Variants in E2F7 observed in about 807,000 individuals in gnomAD.
E2F7 encodes transcription factor E2F7.
A neutral mutation model predicts 81.1 loss-of-function variants in E2F7; 35 were observed. The observed-to-expected ratio is 0.43, with a 90% CI of 0.33 to 0.57. The LOEUF is 0.57. Ranked by LOEUF, E2F7 falls within the 20% of genes least tolerant of loss-of-function variation. The probability of loss-of-function intolerance (pLI) is 0.04; values close to 1 mark genes in which losing one functional copy is unlikely to be tolerated. For missense variants in E2F7, 961 were observed against 1,093.7 expected (o/e 0.88, Z 1.71); for synonymous variants, 416 against 416.2 (o/e 1.00, Z 0.01).
intron 11 of E2F7, 120 bp from the exon 12 acceptor site, chr12:77,026,102 C>T: frequency 8.2e-7 from 1 of 1,226,476 alleles, no homozygotes; most frequent in South Asian, 1.6e-5. Flanking sequence ...AATGATGAGA[C>T]CTTCCCCCAG....
chr12:77,028,059 A>G lies in E2F7; in HGVS notation c.1964T>C (p.Val655Ala). The G allele has an allele frequency of 6.2e-7, 1 of 1,614,230 alleles. No individual in the cohort carries two copies. The highest frequency in any genetic ancestry group is 8.5e-7 in the Non-Finnish European group (1 of 1,180,040). ...TTCTGCAGCAGGGAGTTGGCCATTC[A>G]CATGAATGTCTTTGAGGGGTATAGA... ...RASIPLKDIHVNGQLPAAEEI... is the reference protein window; with the variant it reads ...RASIPLKDIHANGQLPAAEEI... Residue 655 changes from valine to alanine, a missense_variant, in exon 11 of 13, where the codon GTG (valine) becomes GCG (alanine). By Grantham distance (64) the Val-to-Ala change is moderately conservative. Around this residue, in one of 3 missense-constraint regions of E2F7, gnomAD observed 587 missense variants for 620.3 expected, o/e 0.95. Transcript: ENST00000322886.
intron 7 of E2F7, among the ~76,000 whole-genome samples, chr12:77,036,524 C>A (rs1298376220): frequency 7.4e-6 from 1 of 134,544 alleles, no homozygotes. Context: ...CAGAGTAAGA[C>A]CTTTGTCTCC....
chr12:77,040,806 G>C (rs1013651224), intron 7 of E2F7, among the ~76,000 whole-genome samples: 2 of 152,140 alleles, frequency 1.3e-5, no homozygotes, highest in Non-Finnish European at 2.9e-5. Context: ...TTATCGAATT[G>C]TAACTTTAAC....
intron 5 of E2F7, among the ~76,000 whole-genome samples, chr12:77,045,340 G>A (rs1393648855): frequency 6.6e-6 from 1 of 152,136 alleles, no homozygotes; most frequent in African/African-American, 2.4e-5. Context: ...GTGGATGGCA[G>A]GCAAACCATC....
In E2F7 at chr12:77,030,323, G is replaced by A; in HGVS notation, c.1392C>T (p.Ala464=). Residue 464 remains alanine, a synonymous_variant, in exon 10 of 13, where the codon GCC becomes GCT. Transcript: ENST00000322886. ...QKIEDNSQGK[A]FASKRVVPPS... ...GAGGCACCACTCTCTTACTGGCAAA[G>A]GCTTTTCCCCTATAATAAAAAAGAA... 1 of 1,536,374 alleles carries A rather than the reference G, an allele frequency of 6.5e-7. No homozygotes were observed. Among genetic ancestry groups the A allele is most frequent in the Middle Eastern group, 1.8e-4 (1 of 5,688 alleles).
At chr12:77,065,264 TG>T (rs1381425531) in intron 1 of E2F7, 80 bp downstream of exon 1, 2 of 152,098 alleles carry the variant, frequency 1.3e-5, no homozygotes, top group African/African-American at 4.8e-5. Context: ...ACGTGAGGAG[TG>T]GCAGGCTGGC....
chr12:77,064,838 T>C (rs1010135318), intron 1 of E2F7, among the ~76,000 whole-genome samples: 2 of 152,108 alleles, frequency 1.3e-5, no homozygotes, highest in African/African-American at 2.4e-5. Context: ...GTGTGCTTAG[T>C]AATACTGAAA....
At position 77,057,899 on chromosome 12, in the gene E2F7, G is replaced by A. The variant is rs923031713; in HGVS notation, c.94-1769C>T. 3.3e-5 allele frequency among the ~76,000 whole-genome samples: 5 copies of A among 152,196 alleles called. No homozygotes were observed. In the South Asian group the frequency reaches 1.0e-3, roughly 32 times the overall value. On this transcript the variant is annotated intron_variant, in intron 2 of 12. Coordinates refer to ENST00000322886, the MANE Select transcript of E2F7 (RefSeq NM_203394.3). Reference sequence around the variant, plus strand: ...TGTACATTCTGTATAGCTACTGAATGCTTGGGTTTTGGTTGAGCAGGGGGT... The same window carrying A: ...TGTACATTCTGTATAGCTACTGAATACTTGGGTTTTGGTTGAGCAGGGGGT...
intron 7 of E2F7, among the ~76,000 whole-genome samples, chr12:77,036,446 G>A (rs957513459): frequency 2.0e-5 from 3 of 151,986 alleles, no homozygotes; most frequent in Admixed American, 1.3e-4. Context: ...GATTGCCTGA[G>A]CCCAGGAGTT....
At chr12:77,049,627 T>A (rs1954970336) in intron 4 of E2F7, among the ~76,000 whole-genome samples, 2 of 152,208 alleles carry the variant, frequency 1.3e-5, no homozygotes, top group Admixed American at 1.3e-4. Flanking sequence ...GCCCAGCCCA[T>A]GGTCTTCTTA....
intron 2 of E2F7, among the ~76,000 whole-genome samples, chr12:77,061,927 C>T (rs1262570611): frequency 6.6e-6 from 1 of 152,230 alleles, no homozygotes; most frequent in East Asian, 1.9e-4. Context: ...AGGCTTAGCC[C>T]AAATGTTCCT....
In E2F7 at chr12:77,021,898, A is replaced by T. The variant is rs557345040; in HGVS notation, c.*2117T>A. The stretch of plus-strand genomic sequence containing the variant: ...AAGCCACATTAAGAAGTGGATACTG[A>T]ATACAGAAGCAATTGTCCTTGGTTT... On this transcript the variant is annotated 3_prime_UTR_variant, in exon 13 of 13. Transcript: ENST00000322886. 6.6e-6 allele frequency: 1 copy of T among 152,324 alleles called. No individual in the cohort carries two copies. Among genetic ancestry groups the T allele is most frequent in the Admixed American group, 6.5e-5 (1 of 15,302 alleles). 9.4% of individuals were successfully genotyped at this position (152,324 alleles called of 1,614,324 possible).
At chr12:77,038,221 A>G (rs1954869103) in intron 7 of E2F7, among the ~76,000 whole-genome samples, 1 of 152,202 alleles carries the variant, frequency 6.6e-6, no homozygotes, top group Admixed American at 6.5e-5. Flanking sequence ...TTCAATATCC[A>G]TCTATCAATA....
chr12:77,028,081 T>C lies in E2F7; in HGVS notation c.1942A>G (p.Ile648Val), dbSNP rs781311175. 1 of 1,614,082 alleles carries C rather than the reference T, an allele frequency of 6.2e-7. No individual in the cohort carries two copies. Among genetic ancestry groups the C allele is most frequent in the African/African-American group, 1.3e-5 (1 of 74,928 alleles). Residue 648 changes from isoleucine to valine, a missense_variant, in exon 11 of 13, where the codon ATA (isoleucine) becomes GTA (valine). Transcript: ENST00000322886. ...TTCACATGAATGTCTTTGAGGGGTA[T>C]AGATGCCCTGTTACCCATAGTCTTG... ...SPKTMGNRAS[I>V]PLKDIHVNGQ...
Position 77,029,905 on chromosome 12 carries a change from C to T in E2F7, c.1810G>A (p.Glu604Lys), listed in dbSNP as rs370240683. The change falls in exon 10 of 13, where the codon GAG becomes AAG. Residue 604 changes from glutamate (E) to lysine (K), a missense_variant. Glu to Lys is a moderately conservative substitution (Grantham distance 56). Transcript: ENST00000322886. Reference sequence around the variant, plus strand: ...CTTTTAGTGGCTGGCTCATCCTCCTCCTGAGGTTTCCTCTCCTCACAGAGG... The same window carrying T: ...CTTTTAGTGGCTGGCTCATCCTCCTTCTGAGGTTTCCTCTCCTCACAGAGG... ...KRLCEERKPQEEDEPATKRQS... is the reference protein window; with the variant it reads ...KRLCEERKPQKEDEPATKRQS... The T allele has an allele frequency of 1.2e-5, 20 of 1,614,260 alleles. No homozygotes were observed. In the South Asian group the frequency reaches 1.4e-4, roughly 12 times the overall value.
Position 77,043,564 on chromosome 12 carries a change from C to T in E2F7, c.989-365G>A, listed in dbSNP as rs138304285. On this transcript the variant is annotated intron_variant, in intron 6 of 12. Coordinates refer to ENST00000322886, the MANE Select transcript of E2F7 (RefSeq NM_203394.3). ...CGTCAAAAGCATGCCCTGAGTTTCT[C>T]CAAGCAGGAGACTGTGGCGCCAGCT... 5.3e-3 allele frequency among the ~76,000 whole-genome samples: 806 copies of T among 152,006 alleles called. 12 individuals are homozygous for T. The highest frequency in any genetic ancestry group is 0.018 in the African/African-American group (760 of 41,466).
At chr12:77,026,791 C>A (rs1385841348) in intron 11 of E2F7, among the ~76,000 whole-genome samples, 1 of 152,188 alleles carries the variant, frequency 6.6e-6, no homozygotes, top group Non-Finnish European at 1.5e-5. Context: ...AATTTTGACA[C>A]TATTGGGCTT....
chr12:77,025,871 G>A lies in E2F7; in HGVS notation c.2252C>T (p.Pro751Leu), dbSNP rs1185834593. The change falls in exon 12 of 13, where the codon CCA (proline) becomes CTA (leucine). Residue 751 changes from proline (P) to leucine (L), a missense_variant. By Grantham distance (98) the Pro-to-Leu change is moderately conservative. Around this residue, in one of 3 missense-constraint regions of E2F7, gnomAD observed 587 missense variants for 620.3 expected, o/e 0.95. Transcript: ENST00000322886. ...FSVPCMVLPS[P>L]PLGPFPVLYS... The stretch of plus-strand genomic sequence containing the variant: ...GAGAACAGGAAAAGGGCCCAGAGGT[G>A]GAGATGGTAAGACCATGCAAGGGAC... 2 of 1,614,008 alleles carry A rather than the reference G, an allele frequency of 1.2e-6. No individual in the cohort carries two copies. The highest frequency in any genetic ancestry group is 1.7e-6 in the Non-Finnish European group (2 of 1,180,004).
chr12:77,036,155 T>G (rs1048129635), intron 7 of E2F7, among the ~76,000 whole-genome samples: 2 of 152,072 alleles, frequency 1.3e-5, no homozygotes, highest in African/African-American at 2.4e-5. Context: ...GATGAAAACT[T>G]TAAACCCAAA....
Sources: allele counts gnomAD v4.1 joint callset (sites outside exome capture counted in the v4.1 genomes callset), GRCh38; gene constraint gnomAD v4.1.1; regional missense constraint gnomAD v4.1.1; transcripts MANE v1.5; gene names NCBI Gene and HGNC (gene_info 2026-07-23, HGNC 2026-07-21).